LAMC2: variants seen among roughly 807,000 people sequenced by gnomAD.
The protein encoded by LAMC2 is laminin subunit gamma 2, also known as laminin subunit gamma-2.
In LAMC2, 97 loss-of-function variants were observed where a neutral mutation model predicts 140.2. The observed-to-expected ratio is 0.69, with a 90% CI of 0.59 to 0.82. The LOEUF is 0.82. LAMC2 is among the 40% of genes least tolerant of loss of function. LAMC2 has a pLI of 0.00. For synonymous variants in LAMC2, 513 were observed against 540.2 expected (o/e 0.95, Z 0.70); for missense variants, 1,402 against 1,476.1 (o/e 0.95, Z 0.82).
At position 183,235,664 on chromosome 1, in the gene LAMC2, T is replaced by C. The variant is rs149176815; in HGVS notation, c.2390T>C (p.Leu797Pro). ...GCCCTCTCACTGGTGCGCAAGGCCCTGCATGAAGGAGTCGGAAGCGGAAGC... is the reference window on the plus strand; with the variant it reads ...GCCCTCTCACTGGTGCGCAAGGCCCCGCATGAAGGAGTCGGAAGCGGAAGC... ...KQALSLVRKA[L>P]HEGVGSGSGS... Residue 797 changes from leucine (L) to proline (P), a missense_variant, in exon 16 of 23, where the codon CTG becomes CCG. Leu to Pro is a moderately conservative substitution (Grantham distance 98, BLOSUM62 -3). Transcript: ENST00000264144. 9.9e-6 allele frequency: 16 copies of C among 1,614,096 alleles called. No homozygotes were observed. Among genetic ancestry groups the C allele is most frequent in the African/African-American group, 1.3e-5 (1 of 74,936 alleles).
the LAMC2 span, chr1:183,251,864 C>T: frequency 6.1e-6 from 1 of 164,070 alleles, no homozygotes; most frequent in Non-Finnish European, 1.3e-5. Context: ...GTTGCTGCTG[C>T]TGCTGCTGCT....
Position 183,240,371 on chromosome 1 carries a change from A to C in LAMC2, c.3308A>C (p.Asp1103Ala), listed in dbSNP as rs1313614490. The change falls in exon 22 of 23, where the codon GAC (aspartate) becomes GCC (alanine). Residue 1103 changes from aspartate to alanine, a missense_variant. This residue lies in a region of LAMC2 where 670 missense variants were observed against 667.2 expected (regional missense o/e 1.00). Transcript: ENST00000264144. ...ATCCAAGACACACTCAACACATTAG[A>C]CGGCCTCCTGCATCTGATGGGTATG... ...VTIQDTLNTLDGLLHLMDQPL... is the reference protein window; with the variant it reads ...VTIQDTLNTLAGLLHLMDQPL... The C allele has an allele frequency of 6.2e-7, 1 of 1,614,206 alleles. No homozygotes were observed. The highest frequency in any genetic ancestry group is 1.1e-5 in the South Asian group (1 of 91,084).
intron 1 of LAMC2, among the ~76,000 whole-genome samples, chr1:183,202,224 A>G (rs909612208): frequency 1.5e-5 from 2 of 137,216 alleles, no homozygotes; most frequent in African/African-American, 5.1e-5. Context: ...CAACAACAAC[A>G]AAAAAAAAAA....
At chr1:183,227,815 A>G (rs1331191213) in intron 10 of LAMC2, 118 bp downstream of exon 10, 1 of 901,666 alleles carries the variant, frequency 1.1e-6, no homozygotes, top group East Asian at 2.6e-5. Context: ...GGGTTCACCC[A>G]AATGTGCTCA....
chr1:183,256,766 TGTG>T, the LAMC2 span, among the ~76,000 whole-genome samples: 3 of 152,170 alleles, frequency 2.0e-5, no homozygotes, highest in Non-Finnish European at 2.9e-5. Flanking sequence ...TTTCTTTTCT[TGTG>T]GTGTCTTTTT....
At chr1:183,207,497 C>A (rs1658924791) in intron 1 of LAMC2, among the ~76,000 whole-genome samples, 1 of 152,198 alleles carries the variant, frequency 6.6e-6, no homozygotes, top group Admixed American at 6.5e-5. Flanking sequence ...TCTCCGTGAG[C>A]CCACACACTT....
chr1:183,232,174 T>C lies in LAMC2; in HGVS notation c.1858-13T>C. 2 of 1,613,494 alleles carry C rather than the reference T, an allele frequency of 1.2e-6. No homozygotes were observed. Among genetic ancestry groups the C allele is most frequent in the Non-Finnish European group, 1.7e-6 (2 of 1,179,952 alleles). On this transcript the variant is annotated splice_polypyrimidine_tract_variant and intron_variant, in intron 12 of 22. Coordinates refer to ENST00000264144, the MANE Select transcript of LAMC2 (RefSeq NM_005562.3). ...TCTCCACCCTCGTTCTGATCTTTCC[T>C]GTGTGGTTTCAGATGGATCAGTTTA...
At position 183,228,503 on chromosome 1, in the gene LAMC2, G is replaced by C. The variant is rs202230869; in HGVS notation, c.1598G>C (p.Arg533Pro). 64 of 1,613,726 alleles carry C rather than the reference G, an allele frequency of 4.0e-5. No individual in the cohort carries two copies. The highest frequency in any genetic ancestry group is 5.0e-5 in the Non-Finnish European group (59 of 1,180,004). ...CCCAGTGCCTCTGGGAATTGTGACC[G>C]GCTGACAGGCAGGTGTTTGAAGTGT... ...VDPSASGNCD[R>P]LTGRCLKCIH... Residue 533 changes from arginine to proline, a missense_variant, in exon 11 of 23, where the codon CGG becomes CCG. Around this residue, in one of 3 missense-constraint regions of LAMC2, gnomAD observed 723 missense variants for 783.3 expected, o/e 0.92. Transcript: ENST00000264144. The surrounding 1 kb of genome is among the most constrained non-coding windows in gnomAD (Gnocchi z 4.3).
At chr1:183,192,912 G>C (rs1311891102) in intron 1 of LAMC2, among the ~76,000 whole-genome samples, 1 of 152,130 alleles carries the variant, frequency 6.6e-6, no homozygotes, top group East Asian at 1.9e-4. Context: ...CACTGTGTTA[G>C]CCACGATGGT....
rs376080114 is a variant in LAMC2 at position 183,203,268 on chromosome 1, G to A, written c.80-4613G>A. 1.3e-3 allele frequency among the ~76,000 whole-genome samples: 197 copies of A among 152,264 alleles called. 5 individuals are homozygous for A. In the South Asian group the frequency reaches 0.039, roughly 30 times the overall value. On this transcript the variant is annotated intron_variant, in intron 1 of 22. Coordinates refer to ENST00000264144, the MANE Select transcript of LAMC2 (RefSeq NM_005562.3). ...CAGGGGGTGAAGTGCTGCTTCTTAC[G>A]CCCTTTGGGCAGAATCCCCACCACT...
rs1195666028 is a variant in LAMC2 at position 183,232,818 on chromosome 1, G to A, written c.2181G>A (p.Gln727=). 6.2e-7 allele frequency: 1 copy of A among 1,614,140 alleles called. No homozygotes were observed. The highest frequency in any genetic ancestry group is 8.5e-7 in the Non-Finnish European group (1 of 1,179,984). The change falls in exon 14 of 23, where the codon CAG becomes CAA. Residue 727 remains glutamine (Q), a synonymous_variant. Transcript: ENST00000264144. The stretch of plus-strand genomic sequence containing the variant: ...CTCACAGGCTCATCACTCAGATGCA[G>A]CTGAGCCTGGCAGAAAGTGAAGCTT... ...RDTHRLITQM[Q]LSLAESEASL... is the part of the protein sequence containing the mutation.
At chr1:183,194,732 A>C (rs1658460240) in intron 1 of LAMC2, among the ~76,000 whole-genome samples, 1 of 152,080 alleles carries the variant, frequency 6.6e-6, no homozygotes, top group East Asian at 1.9e-4. Flanking sequence ...CTTTATTTCA[A>C]CTGCTTCTTA....
At position 183,226,761 on chromosome 1, in the gene LAMC2, C is replaced by G; in HGVS notation, c.1130C>G (p.Pro377Arg). The G allele has an allele frequency of 1.2e-6, 2 of 1,614,184 alleles. No homozygotes were observed. The highest frequency in any genetic ancestry group is 3.3e-5 in the Admixed American group (2 of 60,024). Residue 377 changes from proline (P) to arginine (R), a missense_variant, in exon 9 of 23, where the codon CCC becomes CGC. By Grantham distance (103) the Pro-to-Arg change is moderately radical. Coordinates refer to ENST00000264144, the MANE Select transcript of LAMC2 (RefSeq NM_005562.3). ...SARPVSGAPAPWVEQCICPVG... is the reference protein window; with the variant it reads ...SARPVSGAPARWVEQCICPVG... ...CGCCCTGTCTCTGGAGCCCCAGCAC[C>G]CTGGGTTGAACAGTGTATATGTCCT...
chr1:183,186,273 C>A lies in LAMC2; in HGVS notation c.-80C>A. 2 of 1,530,174 alleles carry A rather than the reference C, an allele frequency of 1.3e-6. No homozygotes were observed. Among genetic ancestry groups the A allele is most frequent in the South Asian group, 1.2e-5 (1 of 83,516 alleles). 94.8% of individuals were successfully genotyped at this position (1,530,174 alleles called of 1,614,324 possible). A position where few individuals can be genotyped will look rare whatever the true frequency, so the allele number is the denominator to read the frequency against. The stretch of plus-strand genomic sequence containing the variant: ...CAAGGAAAAGGAAGGCACAGCGGAG[C>A]GCAGAGTGAGAACCACCAACCGAGG... On this transcript the variant is annotated 5_prime_UTR_variant, in exon 1 of 23. Coordinates refer to ENST00000264144, the MANE Select transcript of LAMC2 (RefSeq NM_005562.3).
intron 22 of LAMC2, chr1:183,241,371 C>A (rs1571543521): frequency 1.0e-6 from 1 of 969,492 alleles, no homozygotes; most frequent in Non-Finnish European, 1.2e-6. Context: ...GGTAAATAAC[C>A]CAGAAGAAAT....
intron 3 of LAMC2, among the ~76,000 whole-genome samples, chr1:183,216,075 T>A (rs532600282): frequency 1.3e-5 from 2 of 152,332 alleles, no homozygotes; most frequent in East Asian, 3.9e-4. Context: ...AAATGTCACA[T>A]AACCAATCTG....
At chr1:183,224,825 C>T (rs560542244) in intron 7 of LAMC2, among the ~76,000 whole-genome samples, 39 of 152,280 alleles carry the variant, frequency 2.6e-4, no homozygotes, top group South Asian at 8.3e-4. Context: ...GCTAAAGTTA[C>T]AGTCACTTTG....
chr1:183,244,367 AC>A lies in LAMC2; in HGVS notation c.*968del, dbSNP rs1416681331. On this transcript the variant is annotated 3_prime_UTR_variant, in exon 23 of 23. Coordinates refer to ENST00000264144, the MANE Select transcript of LAMC2 (RefSeq NM_005562.3). The stretch of plus-strand genomic sequence containing the variant: ...TTCCTACTCACACTTCAGCTGGGTC[AC>A]ATCCATCCCTCCATTCATCCTTCCA... 6.6e-6 allele frequency: 1 copy of A among 152,090 alleles called. No homozygotes were observed. Among genetic ancestry groups the A allele is most frequent in the African/African-American group, 2.4e-5 (1 of 41,394 alleles). The allele number at this position is 152,090 out of a possible 1,614,324, so 9.4% of individuals were successfully genotyped here. A position where few individuals can be genotyped will look rare whatever the true frequency, so the allele number is the denominator to read the frequency against.
intron 6 of LAMC2, 25 bp downstream of exon 6, chr1:183,222,236 T>C: frequency 6.2e-7 from 1 of 1,611,488 alleles, no homozygotes; most frequent in Non-Finnish European, 8.5e-7. Context: ...ATGTCTCCTA[T>C]AGAGGCCAGC....
Sources: gnomAD v4.1 joint callset for allele counts (sites outside exome capture counted in the v4.1 genomes callset) on GRCh38, gnomAD v4.1.1 for gene constraint, gnomAD v4.1.1 regional missense constraint, Gnocchi (gnomAD v3.1) non-coding constraint, MANE v1.5 for transcripts, NCBI Gene and HGNC (gene_info 2026-07-23, HGNC 2026-07-21) for gene names.